Variants in AJUBA observed in about 807,000 individuals in gnomAD.
The protein encoded by AJUBA is ajuba LIM protein.
A neutral mutation model predicts 53.3 loss-of-function variants in AJUBA; 20 were observed. The ratio of observed to expected loss-of-function variants is 0.38; its 90% CI spans 0.26 to 0.55. AJUBA has a LOEUF of 0.55. AJUBA is among the 20% of genes least tolerant of loss of function. AJUBA has a pLI of 0.80. For missense variants in AJUBA, 580 were observed against 730.5 expected (o/e 0.79, Z 2.38); for synonymous variants, 296 against 306.2 (o/e 0.97, Z 0.35).
At chr14:22,978,272 G>A (rs2045057050) in intron 2 of AJUBA, 72 bp downstream of exon 2, 1 of 1,416,992 alleles carries the variant, frequency 7.1e-7, no homozygotes, top group Non-Finnish European at 9.8e-7. Context: ...CTCTCCTCCT[G>A]TTCCCCATAG....
Position 22,982,306 on chromosome 14 carries a change from C to T in AJUBA, c.-40G>A. On this transcript the variant is annotated 5_prime_UTR_variant, in exon 1 of 8. Transcript: ENST00000262713. ...GGCCTCTCGCCCCCTCCCCGCCTGG[C>T]ACCCTGCGGCGTCTCGGCGGCCGGT... 1.9e-6 allele frequency: 3 copies of T among 1,599,514 alleles called. No individual in the cohort carries two copies. Among genetic ancestry groups the T allele is most frequent in the Non-Finnish European group, 1.7e-6 (2 of 1,175,504 alleles).
rs969000438 is a variant in AJUBA at position 22,971,744 on chromosome 14, A to G, written c.*1699T>C. The stretch of plus-strand genomic sequence containing the variant: ...AAGCATCAAAATCACATTGAACTCC[A>G]TTATATTTTTCAAGGCATTTAATTT... On this transcript the variant is annotated 3_prime_UTR_variant, in exon 8 of 8. Coordinates refer to ENST00000262713, the MANE Select transcript of AJUBA (RefSeq NM_032876.6). 6.6e-5 allele frequency: 10 copies of G among 152,344 alleles called. No homozygotes were observed. The highest frequency in any genetic ancestry group is 2.4e-4 in the African/African-American group (10 of 41,588). 9.4% of individuals were successfully genotyped at this position (152,344 alleles called of 1,614,324 possible). A position where few individuals can be genotyped will look rare whatever the true frequency, so the allele number is the denominator to read the frequency against.
At position 22,982,268 on chromosome 14, in the gene AJUBA, C is replaced by T; in HGVS notation, c.-2G>A. On this transcript the variant is annotated 5_prime_UTR_variant, in exon 1 of 8. Transcript: ENST00000262713. Reference sequence around the variant, plus strand: ...GGCTTTCTCTCCTAACCGCTCCATGCCCTCGGGCCTGGGGCCTCTCGCCCC... The same window carrying T: ...GGCTTTCTCTCCTAACCGCTCCATGTCCTCGGGCCTGGGGCCTCTCGCCCC... The T allele has an allele frequency of 1.9e-6, 3 of 1,613,378 alleles. No homozygotes were observed. The highest frequency in any genetic ancestry group is 2.5e-6 in the Non-Finnish European group (3 of 1,179,734).
rs78336313 is a variant in AJUBA, at chr14:22,972,614, C to T, written c.*829G>A. The T allele has an allele frequency of 6.6e-6, 1 of 152,644 alleles. No homozygotes were observed. The highest frequency in any genetic ancestry group is 1.5e-5 in the Non-Finnish European group (1 of 68,086). 9.5% of individuals were successfully genotyped at this position (152,644 alleles called of 1,614,324 possible). On this transcript the variant is annotated 3_prime_UTR_variant, in exon 8 of 8. Coordinates refer to ENST00000262713, the MANE Select transcript of AJUBA (RefSeq NM_032876.6). ...ACAGGGAATACAGGCAGCAACCCCA[C>T]TCAGAGCTGGTCCCCATTCTCAGAC...
At chr14:22,975,995 T>C (rs1289970954) in intron 4 of AJUBA, among the ~76,000 whole-genome samples, 1 of 151,656 alleles carries the variant, frequency 6.6e-6, no homozygotes, top group African/African-American at 2.4e-5. Flanking sequence ...AAACCTTTTA[T>C]CTACTAAACA....
At chr14:22,980,545 G>A (rs1337954013) in intron 1 of AJUBA, 2 of 970,828 alleles carry the variant, frequency 2.1e-6, no homozygotes, top group Non-Finnish European at 2.4e-6. Context: ...ACTTCCGGAG[G>A]ATGGGGAAAA....
Position 22,981,497 on chromosome 14 carries a change from GC to G in AJUBA, c.769del (p.Ala257ArgfsTer8). 1 of 1,588,268 alleles carries G rather than the reference GC, an allele frequency of 6.3e-7. No homozygotes were observed. Among genetic ancestry groups the G allele is most frequent in the Non-Finnish European group, 8.5e-7 (1 of 1,170,188 alleles). On this transcript the variant is annotated frameshift_variant, in exon 1 of 8. Transcript: ENST00000262713. LOFTEE classifies it high-confidence loss of function. ...GAAGPLERRG[A>X]QPGRHSVTGY... Reference sequence around the variant, plus strand: ...GGTCACAGAGTGTCGTCCGGGTTGCGCCCCCCGTCTCTCCAAGGGCCCCGCC... The same window carrying G: ...GGTCACAGAGTGTCGTCCGGGTTGCGCCCCCGTCTCTCCAAGGGCCCCGCC...
rs1234552054 is a variant in AJUBA at position 22,979,104 on chromosome 14, G to A, written c.1007-659C>T. On this transcript the variant is annotated intron_variant, in intron 1 of 7. Coordinates refer to ENST00000262713, the MANE Select transcript of AJUBA (RefSeq NM_032876.6). This position sits in a 1 kb window ranked among gnomAD's most constrained non-coding sequence, Gnocchi z 4.0. ...AACCAGGGTTGAACAGGAAAGCAGG[G>A]AGAGTAGCAGAGCCCCTGATGCCTC... The A allele has an allele frequency of 1.6e-6, 2 of 1,276,926 alleles. No individual in the cohort carries two copies. The highest frequency in any genetic ancestry group is 1.5e-5 in the African/African-American group (1 of 65,438). 79.1% of individuals were successfully genotyped at this position (1,276,926 alleles called of 1,614,324 possible).
At chr14:22,973,979 C>T in intron 7 of AJUBA, 68 bp downstream of exon 7, 2 of 1,568,270 alleles carry the variant, frequency 1.3e-6, no homozygotes, top group Non-Finnish European at 1.8e-6. Context: ...CTGGTTGTTG[C>T]AGGACTTGAC....
At chr14:22,978,761 G>C in intron 1 of AJUBA, 15 of 1,204,728 alleles carry the variant, frequency 1.2e-5, no homozygotes, top group Non-Finnish European at 1.6e-5. Flanking sequence ...CTGTTGGGGA[G>C]AAAAGACTAC....
At chr14:22,980,809 G>C in intron 1 of AJUBA, 1 of 336,492 alleles carries the variant, frequency 3.0e-6, no homozygotes, top group Non-Finnish European at 4.2e-6. Flanking sequence ...GCACGCACGC[G>C]GCCAGCCTGC....
chr14:22,981,043 G>A (rs1384285810), intron 1 of AJUBA, among the ~76,000 whole-genome samples: 2 of 152,118 alleles, frequency 1.3e-5, no homozygotes, highest in Non-Finnish European at 2.9e-5. Flanking sequence ...ATACCAGGGG[G>A]GTTGAATTTA....
chr14:22,982,344 C>A lies in AJUBA; in HGVS notation c.-78G>T. ...CTCGGCGGCCGGTTCTCTTTCCCTG[C>A]AGCCGGACTCTGGTTCCCCAGGGGC... On this transcript the variant is annotated 5_prime_UTR_variant, in exon 1 of 8. Transcript: ENST00000262713. 1 of 1,572,154 alleles carries A rather than the reference C, an allele frequency of 6.4e-7. No individual in the cohort carries two copies. Among genetic ancestry groups the A allele is most frequent in the Non-Finnish European group, 8.6e-7 (1 of 1,165,824 alleles).
chr14:22,978,660 A>C, intron 1 of AJUBA: 1 of 1,335,268 alleles, frequency 7.5e-7, no homozygotes, highest in Non-Finnish European at 9.7e-7. Flanking sequence ...ATATTTTCTG[A>C]GCATCTGTTT....
chr14:22,980,514 G>C, intron 1 of AJUBA: 2 of 817,192 alleles, frequency 2.4e-6, no homozygotes, highest in Non-Finnish European at 3.0e-6. Context: ...TGGTGTCCCA[G>C]TAGTCATGAC....
At position 22,981,738 on chromosome 14, in the gene AJUBA, A is replaced by G. The variant is rs1459137712; in HGVS notation, c.529T>C (p.Leu177=). ...CCAAACAGGCACGGCCCCGCTGGCAAGGGGCTCCCGTGGCGCTGGTCGTAG... is the reference window on the plus strand; with the variant it reads ...CCAAACAGGCACGGCCCCGCTGGCAGGGGGCTCCCGTGGCGCTGGTCGTAG... ...MGYDQRHGSP[L]PAGPCLFGPP... is the part of the protein sequence containing the mutation. The change falls in exon 1 of 8, where the codon TTG becomes CTG. Residue 177 remains leucine (L), a synonymous_variant. Coordinates refer to ENST00000262713, the MANE Select transcript of AJUBA (RefSeq NM_032876.6). 1 of 1,533,464 alleles carries G rather than the reference A, an allele frequency of 6.5e-7. No homozygotes were observed. Among genetic ancestry groups the G allele is most frequent in the Admixed American group, 2.0e-5 (1 of 50,652 alleles). 95.0% of individuals were successfully genotyped at this position (1,533,464 alleles called of 1,614,324 possible). A position where few individuals can be genotyped will look rare whatever the true frequency, so the allele number is the denominator to read the frequency against.
chr14:22,974,594 A>T (rs975629430), intron 6 of AJUBA: 2 of 513,252 alleles, frequency 3.9e-6, no homozygotes, highest in Non-Finnish European at 3.4e-6. Flanking sequence ...GACCTCAAAG[A>T]AAGTCTCCTC....
At position 22,973,682 on chromosome 14, in the gene AJUBA, G is replaced by A. The variant is rs528816254; in HGVS notation, c.1492-114C>T. ...CCTAATAACTGGAAGAAAGGGATGGGGTGGGAAGGGAAGGATGGAAGGGAT... is the reference window on the plus strand; with the variant it reads ...CCTAATAACTGGAAGAAAGGGATGGAGTGGGAAGGGAAGGATGGAAGGGAT... On this transcript the variant is annotated intron_variant, in intron 7 of 7. Coordinates refer to ENST00000262713, the MANE Select transcript of AJUBA (RefSeq NM_032876.6). 143 of 1,426,792 alleles carry A rather than the reference G, an allele frequency of 1.0e-4. 1 individual carries two copies. In the South Asian group the frequency reaches 1.8e-3, roughly 18 times the overall value. 88.4% of individuals were successfully genotyped at this position (1,426,792 alleles called of 1,614,324 possible). A position where few individuals can be genotyped will look rare whatever the true frequency, so the allele number is the denominator to read the frequency against.
In AJUBA at chr14:22,981,841, C is replaced by T. The variant is rs1402871814; in HGVS notation, c.426G>A (p.Leu142=). 1.3e-6 allele frequency: 2 copies of T among 1,533,900 alleles called. No homozygotes were observed. The highest frequency in any genetic ancestry group is 1.7e-6 in the Non-Finnish European group (2 of 1,146,012). The part of the protein sequence containing the change: ...ASKPSSPRGS[L]LLDGAGAGGA... Reference sequence around the variant, plus strand: ...CGCCAGCCCCCGCCCCGTCCAGCAGCAGGCTGCCCCGGGGGCTGGACGGCT... The same window carrying T: ...CGCCAGCCCCCGCCCCGTCCAGCAGTAGGCTGCCCCGGGGGCTGGACGGCT... Residue 142 remains leucine, a synonymous_variant, in exon 1 of 8, where the codon CTG becomes CTA. Coordinates refer to ENST00000262713, the MANE Select transcript of AJUBA (RefSeq NM_032876.6).
Sources: gnomAD v4.1 joint callset for allele counts (sites outside exome capture counted in the v4.1 genomes callset) on GRCh38, gnomAD v4.1.1 for gene constraint, Gnocchi (gnomAD v3.1) non-coding constraint, MANE v1.5 for transcripts, NCBI Gene and HGNC (gene_info 2026-07-23, HGNC 2026-07-21) for gene names.